The following TTC34 variants were observed in gnomAD, a reference collection of about 807,000 sequenced individuals.
TTC34 encodes the protein tetratricopeptide repeat protein 34.
In TTC34, 44 loss-of-function variants were observed where a neutral mutation model predicts 40.7. The ratio of observed to expected loss-of-function variants is 1.08; its 90% CI spans 0.85 to 1.39. The LOEUF (loss-of-function observed/expected upper bound fraction) is 1.39. Among genes scored for constraint, TTC34 ranks in the 40% most tolerant of loss-of-function variants. The pLI is 0.00. For missense variants in TTC34, 884 were observed against 838.0 expected, an observed-to-expected ratio of 1.05 and a Z score of -0.68; for synonymous variants, 422 against 398.6, an observed-to-expected ratio of 1.06 and a Z score of -0.70.
chr1:2,771,349 A>G (rs1252780188), intron 6 of TTC34, among the ~76,000 whole-genome samples: 1 of 59,536 alleles, frequency 1.7e-5, no homozygotes, highest in Non-Finnish European at 2.8e-5. Context: ...ACAGCCTGGA[A>G]CAGAATTCTC....
At chr1:2,688,201 C>CT (rs1640457533) in intron 6 of TTC34, among the ~76,000 whole-genome samples, 16 of 52,016 alleles carry the variant, frequency 3.1e-4, no homozygotes, top group African/African-American at 1.1e-3. Context: ...TGGAGCAGCA[C>CT]CCCACACCCC....
chr1:2,800,155 G>A (rs755715071), exon 2 of TTC34: 6 of 398,444 alleles, frequency 1.5e-5, no homozygotes, highest in Non-Finnish European at 2.7e-5. Flanking sequence ...GTGTCACTCC[G>A]GGTGCCCCTG....
intron 6 of TTC34, among the ~76,000 whole-genome samples, chr1:2,751,370 C>G (rs1313287419): frequency 6.6e-4 from 90 of 135,368 alleles, no homozygotes; most frequent in East Asian, 2.1e-3. Context: ...CCCACACCCC[C>G]AGGTGCGCAT....
intron 6 of TTC34, among the ~76,000 whole-genome samples, chr1:2,687,160 C>G (rs1640399389): frequency 6.9e-6 from 1 of 144,852 alleles, no homozygotes; most frequent in Non-Finnish European, 1.5e-5. Flanking sequence ...GAACAGTACC[C>G]ACACACACAG....
At chr1:2,762,203 G>T (rs1176965598) in intron 6 of TTC34, among the ~76,000 whole-genome samples, 1 of 18,656 alleles carries the variant, frequency 5.4e-5, no homozygotes. Context: ...CTGGAGCAGC[G>T]CCCACACCCC....
intron 6 of TTC34, among the ~76,000 whole-genome samples, chr1:2,676,721 CCACACCCCCA>C: frequency 4.5e-5 from 1 of 22,226 alleles, no homozygotes; most frequent in African/African-American, 1.2e-4. Flanking sequence ...GGAGCAGCAC[CCACACCCCCA>C]GGAGAGCATC....
At chr1:2,749,666 C>G (rs1306153087) in intron 6 of TTC34, among the ~76,000 whole-genome samples, 6 of 111,332 alleles carry the variant, frequency 5.4e-5, no homozygotes, top group Non-Finnish European at 1.1e-4. Flanking sequence ...ATCCGACAGC[C>G]TGGAGCAGCA....
intron 6 of TTC34, among the ~76,000 whole-genome samples, chr1:2,652,997 G>T (rs56016642): frequency 0.033 from 4,292 of 130,464 alleles, no homozygotes; most frequent in South Asian, 0.089. Context: ...GCGTGGAGCA[G>T]CACCCACAGC....
intron 8 of TTC34, among the ~76,000 whole-genome samples, chr1:2,642,411 GCCTCTGAGCACGTGCACCCTAGC>G (rs1638925861): frequency 6.6e-6 from 1 of 152,100 alleles, no homozygotes; most frequent in South Asian, 2.1e-4. Flanking sequence ...GCTGCTCCAG[GCCTCTGAGCACGTGCACCCTAGC>G]CCCTCTCCCT....
intron 3 of TTC34, among the ~76,000 whole-genome samples, chr1:2,789,262 G>A (rs1643631682): frequency 6.6e-6 from 1 of 152,166 alleles, no homozygotes; most frequent in South Asian, 2.1e-4. Context: ...TCGGTTTGGT[G>A]AGCTATTTTA....
intron 6 of TTC34, among the ~76,000 whole-genome samples, chr1:2,685,239 C>CA (rs1640277753): frequency 4.1e-5 from 4 of 96,872 alleles, no homozygotes; most frequent in African/African-American, 8.5e-5. Flanking sequence ...GCACCCACAC[C>CA]CCAGGTGAGC....
At chr1:2,684,904 A>G (rs1348630377) in intron 6 of TTC34, among the ~76,000 whole-genome samples, 1 of 129,676 alleles carries the variant, frequency 7.7e-6, no homozygotes. Context: ...ACAGCCTGGA[A>G]CAGCACCCTG....
intron 6 of TTC34, among the ~76,000 whole-genome samples, chr1:2,751,151 T>C (rs1641305876): frequency 9.3e-6 from 1 of 107,060 alleles, no homozygotes; most frequent in Non-Finnish European, 1.8e-5. Flanking sequence ...TCTGACACCC[T>C]GGAGCAGCAC....
intron 8 of TTC34, among the ~76,000 whole-genome samples, chr1:2,643,183 C>G (rs1350550410): frequency 6.6e-6 from 1 of 152,224 alleles, no homozygotes; most frequent in Non-Finnish European, 1.5e-5. Flanking sequence ...CCTGAGCCCG[C>G]GGCTCGGGCC....
intron 6 of TTC34, among the ~76,000 whole-genome samples, chr1:2,646,124 G>A (rs941175596): frequency 2.6e-5 from 4 of 152,150 alleles, no homozygotes; most frequent in Non-Finnish European, 4.4e-5. Context: ...ACAATACCGC[G>A]CCTGGCCCTA....
At chr1:2,780,811 G>A (rs926588690) in intron 6 of TTC34, among the ~76,000 whole-genome samples, 2 of 152,140 alleles carry the variant, frequency 1.3e-5, no homozygotes. Flanking sequence ...TTGAGATTTT[G>A]ACAGAGATTG....
chr1:2,642,925 C>A (rs1354131000), intron 8 of TTC34, among the ~76,000 whole-genome samples: 1 of 152,236 alleles, frequency 6.6e-6, no homozygotes, highest in Non-Finnish European at 1.5e-5. Context: ...CTGAGCAGGG[C>A]AGGGGCTCGA....
At chr1:2,750,802 C>T (rs1198831711) in intron 6 of TTC34, among the ~76,000 whole-genome samples, 2 of 130,346 alleles carry the variant, frequency 1.5e-5, no homozygotes, top group Non-Finnish European at 3.2e-5. Context: ...GAGCAGCGCC[C>T]ACACCCCCAG....
intron 6 of TTC34, among the ~76,000 whole-genome samples, chr1:2,751,827 C>A: frequency 1.2e-5 from 1 of 80,374 alleles, no homozygotes; most frequent in South Asian, 4.4e-4. Context: ...GAGAATCTGA[C>A]AGCCTGGAAC....
Sources: allele counts gnomAD v4.1 joint callset (sites outside exome capture counted in the v4.1 genomes callset), GRCh38; gene constraint gnomAD v4.1.1; transcripts MANE v1.5; gene names NCBI Gene and HGNC (gene_info 2026-07-23, HGNC 2026-07-21).